Variants in IGSF10 observed in about 807,000 individuals in gnomAD.
IGSF10 encodes the protein calvaria mechanical force protein 608.
In IGSF10, 126 loss-of-function variants were observed where a neutral mutation model predicts 128.2. The observed-to-expected ratio is 0.98, with a 90% CI of 0.85 to 1.14. The LOEUF (loss-of-function observed/expected upper bound fraction) is 1.14, where lower values mean the gene tolerates loss of function less well. IGSF10 is among the 50% of genes most tolerant of loss of function. The probability of loss-of-function intolerance (pLI) is 0.00; values close to 1 mark genes in which losing one functional copy is unlikely to be tolerated. For missense variants in IGSF10, 3,295 were observed against 3,149.8 expected (o/e 1.05, Z -1.10); for synonymous variants, 1,185 against 1,146.2 (o/e 1.03, Z -0.68).
chr3:151,571,870 C>T, the IGSF10 span, among the ~76,000 whole-genome samples: 3 of 152,136 alleles, frequency 2.0e-5, no homozygotes, highest in East Asian at 3.8e-4. Context: ...TCATAAATAG[C>T]TCTTATTATT....
the IGSF10 span, among the ~76,000 whole-genome samples, chr3:151,494,931 C>G: frequency 2.0e-5 from 3 of 152,078 alleles, no homozygotes; most frequent in Non-Finnish European, 4.4e-5. Flanking sequence ...CTGGGAAAGG[C>G]TTATTACTTT....
chr3:151,463,548 T>TTG (rs1722162056), upstream of IGSF10, among the ~76,000 whole-genome samples: 1 of 110,426 alleles, frequency 9.1e-6, no homozygotes, highest in Non-Finnish European at 1.8e-5. Flanking sequence ...TTTTTTTTTT[T>TTG]TTTTTTTTTT....
chr3:151,447,723 G>A lies in IGSF10; in HGVS notation c.2258C>T (p.Pro753Leu). The A allele has an allele frequency of 6.2e-7, 1 of 1,614,092 alleles. No individual in the cohort carries two copies. Among genetic ancestry groups the A allele is most frequent in the Non-Finnish European group, 8.5e-7 (1 of 1,180,012 alleles). ...CTCCAACAGTGCCGCCCAATGTTGT[G>A]GGTCAATTCTCCTAGCAGAGGGAGG... Reference protein sequence around the residue: ...HFPPSARRIDPQHWAALLEKA... With the variant: ...HFPPSARRIDLQHWAALLEKA... Residue 753 changes from proline (P) to leucine (L), a missense_variant, in exon 6 of 8, where the codon CCA becomes CTA. Pro to Leu is a moderately conservative substitution (Grantham distance 98). Transcript: ENST00000282466.
chr3:151,605,282 C>A, the IGSF10 span, among the ~76,000 whole-genome samples: 2 of 152,012 alleles, frequency 1.3e-5, no homozygotes, highest in East Asian at 3.9e-4. Flanking sequence ...AATGTGTAGG[C>A]AAATTTGCAA....
intron 4 of IGSF10, among the ~76,000 whole-genome samples, chr3:151,455,438 G>T (rs913323191): frequency 3.4e-5 from 5 of 148,260 alleles, no homozygotes; most frequent in Non-Finnish European, 7.4e-5. Context: ...ACTTTATTTT[G>T]CACCTTAAAA....
In IGSF10 at chr3:151,437,207, G is replaced by GTGA. The variant is rs570110855; in HGVS notation, c.7351_7353dup (p.Ser2451dup). 2.4e-5 allele frequency: 38 copies of GTGA among 1,614,068 alleles called. No homozygotes were observed. In the East Asian group the frequency reaches 3.3e-4, roughly 14 times the overall value. On this transcript the variant is annotated inframe_insertion, in exon 8 of 8. Coordinates refer to ENST00000282466, the MANE Select transcript of IGSF10 (RefSeq NM_178822.5). ...GGGATTCCATCAGACACACAATGCA[G>GTGA]TGATAGAGATTCTCCACTGATGCCT... is the stretch of plus-strand genomic sequence containing the variant.
chr3:151,491,626 A>G, the IGSF10 span, among the ~76,000 whole-genome samples: 1 of 152,180 alleles, frequency 6.6e-6, no homozygotes, highest in African/African-American at 2.4e-5. Context: ...TCAGGAAGAA[A>G]TACACCAGTA....
Position 151,447,064 on chromosome 3 carries a change from T to C in IGSF10, c.2917A>G (p.Thr973Ala), listed in dbSNP as rs1425426295. ...EPRHNHFYSH[T>A]TQILSTSTFP... ...GTGGAGGTGCTAAGTATTTGAGTAG[T>C]GTGAGAATAGAAGTGATTGTGCCTG... The change falls in exon 6 of 8, where the codon ACT becomes GCT. Residue 973 changes from threonine to alanine, a missense_variant. Coordinates refer to ENST00000282466, the MANE Select transcript of IGSF10 (RefSeq NM_178822.5). 6.2e-7 allele frequency: 1 copy of C among 1,614,124 alleles called. No individual in the cohort carries two copies.
At chr3:151,542,699 ACTT>A in the IGSF10 span, among the ~76,000 whole-genome samples, 7 of 152,270 alleles carry the variant, frequency 4.6e-5, no homozygotes, top group East Asian at 3.9e-4. Context: ...CATAAGGAAA[ACTT>A]CTTATAGTTT....
At chr3:151,529,013 T>C in the IGSF10 span, among the ~76,000 whole-genome samples, 1 of 151,832 alleles carries the variant, frequency 6.6e-6, no homozygotes, top group African/African-American at 2.4e-5. Flanking sequence ...TTGAGCTTGG[T>C]GGGGGAGGGG....
At chr3:151,505,621 A>G in the IGSF10 span, among the ~76,000 whole-genome samples, 4 of 152,188 alleles carry the variant, frequency 2.6e-5, no homozygotes, top group Non-Finnish European at 5.9e-5. Flanking sequence ...TCTTATGGGA[A>G]TGGTGAAATC....
chr3:151,542,193 C>T, the IGSF10 span, among the ~76,000 whole-genome samples: 1 of 152,102 alleles, frequency 6.6e-6, no homozygotes, highest in African/African-American at 2.4e-5. Context: ...TTTTATATAT[C>T]CAGGCTGCAA....
At chr3:151,484,072 A>C in the IGSF10 span, among the ~76,000 whole-genome samples, 1 of 152,210 alleles carries the variant, frequency 6.6e-6, no homozygotes, top group South Asian at 2.1e-4. Context: ...TCATGCCAGC[A>C]CAGCAGTCTG....
At position 151,436,748 on chromosome 3, in the gene IGSF10, A is replaced by G. The variant is rs772924112; in HGVS notation, c.7813T>C (p.Cys2605Arg). The G allele has an allele frequency of 1.2e-6, 2 of 1,614,092 alleles. No individual in the cohort carries two copies. The highest frequency in any genetic ancestry group is 2.2e-5 in the East Asian group (1 of 44,880). Residue 2605 changes from cysteine to arginine, a missense_variant, in exon 8 of 8, where the codon TGC (cysteine) becomes CGC (arginine). Transcript: ENST00000282466. The stretch of plus-strand genomic sequence containing the variant: ...CTACCAAGTGGGTTCTTTGCTGTGC[A>G]TTTGTATATCCCAGAATCGGAGGTT... ...PQTSDSGIYK[C>R]TAKNPLGSDY...
Position 151,448,982 on chromosome 3 carries a change from A to C in IGSF10, c.999T>G (p.Ser333Arg). The C allele has an allele frequency of 6.2e-7, 1 of 1,614,234 alleles. No homozygotes were observed. The highest frequency in any genetic ancestry group is 1.1e-5 in the South Asian group (1 of 91,080). ...QSGNEANMVC[S>R]IQKPSRTSPI... Reference sequence around the variant, plus strand: ...GTGATGTCCTTGAGGGCTTTTGAATACTGCAGACCATGTTAGCTTCATTTC... The same window carrying C: ...GTGATGTCCTTGAGGGCTTTTGAATCCTGCAGACCATGTTAGCTTCATTTC... Residue 333 changes from serine (S) to arginine (R), a missense_variant, in exon 6 of 8, where the codon AGT (serine) becomes AGG (arginine). Coordinates refer to ENST00000282466, the MANE Select transcript of IGSF10 (RefSeq NM_178822.5).
At chr3:151,613,805 A>C in the IGSF10 span, among the ~76,000 whole-genome samples, 5 of 152,190 alleles carry the variant, frequency 3.3e-5, no homozygotes, top group Non-Finnish European at 7.4e-5. Flanking sequence ...CAATGGCAAC[A>C]AAAGCCAAAA....
chr3:151,548,442 G>T, the IGSF10 span, among the ~76,000 whole-genome samples: 2 of 152,120 alleles, frequency 1.3e-5, no homozygotes, highest in African/African-American at 4.8e-5. Context: ...TTCCTACTGC[G>T]CTCTGCCTAA....
the IGSF10 span, among the ~76,000 whole-genome samples, chr3:151,551,692 CACACACACAT>C: frequency 6.6e-6 from 1 of 150,692 alleles, no homozygotes; most frequent in African/African-American, 2.5e-5. Flanking sequence ...CACACACACA[CACACACACAT>C]CTGAAGGCAT....
the IGSF10 span, among the ~76,000 whole-genome samples, chr3:151,498,842 A>G: frequency 3.3e-5 from 5 of 152,154 alleles, no homozygotes; most frequent in Non-Finnish European, 5.9e-5. Context: ...ATCTACTTAC[A>G]CTTGAGCATA....
Sources: allele counts gnomAD v4.1 joint callset (sites outside exome capture counted in the v4.1 genomes callset), GRCh38; gene constraint gnomAD v4.1.1; transcripts MANE v1.5; gene names NCBI Gene and HGNC (gene_info 2026-07-23, HGNC 2026-07-21).